The following SLC4A4 variants were observed in gnomAD, a reference collection of about 807,000 sequenced individuals.
SLC4A4 encodes the protein electrogenic sodium bicarbonate cotransporter 1.
Under a neutral mutation model 111.5 loss-of-function variants are expected in SLC4A4, and 27 were observed. The ratio of observed to expected loss-of-function variants is 0.24; its 90% confidence interval spans 0.18 to 0.33. The LOEUF (loss-of-function observed/expected upper bound fraction) is 0.33, where lower values mean the gene tolerates loss of function less well. SLC4A4 is among the 10% of genes least tolerant of loss of function. The pLI, the probability that SLC4A4 is intolerant of heterozygous loss-of-function variation, is 1.00. For synonymous variants in SLC4A4, 443 were observed against 463.4 expected, an observed-to-expected ratio of 0.96 and a Z score of 0.57; for missense variants, 909 against 1,315.5, an observed-to-expected ratio of 0.69 and a Z score of 4.78.
At chr4:71,199,891 T>G (rs1404713787) in intron 1 of SLC4A4, among the ~76,000 whole-genome samples, 1 of 152,136 alleles carries the variant, frequency 6.6e-6, no homozygotes, top group East Asian at 1.9e-4. Flanking sequence ...CCTCAGGTGA[T>G]CCACCTGCCT....
At chr4:71,540,711 T>TA (rs1734960509) in intron 18 of SLC4A4, among the ~76,000 whole-genome samples, 2 of 147,188 alleles carry the variant, frequency 1.4e-5, no homozygotes, top group Admixed American at 6.6e-5. Context: ...TTGTGCCTTG[T>TA]ACCTTGCATG....
intron 6 of SLC4A4, among the ~76,000 whole-genome samples, chr4:71,369,094 A>G (rs1224894845): frequency 6.6e-6 from 1 of 152,018 alleles, no homozygotes; most frequent in African/African-American, 2.4e-5. Flanking sequence ...CGCACCTTGG[A>G]TGATGACCCC....
chr4:71,499,055 G>A (rs1476001051), intron 16 of SLC4A4, among the ~76,000 whole-genome samples: 2 of 146,146 alleles, frequency 1.4e-5, no homozygotes, highest in African/African-American at 2.5e-5. Flanking sequence ...AGATTCCTGG[G>A]TAAAAGTCTT....
intron 12 of SLC4A4, among the ~76,000 whole-genome samples, chr4:71,456,259 A>G (rs1465248116): frequency 2.0e-5 from 3 of 152,196 alleles, no homozygotes; most frequent in Non-Finnish European, 4.4e-5. Context: ...TTTAAGAAAC[A>G]TATTGGCAAT....
chr4:71,355,006 T>G (rs1730160833), intron 5 of SLC4A4, among the ~76,000 whole-genome samples: 2 of 152,220 alleles, frequency 1.3e-5, no homozygotes, highest in Admixed American at 1.3e-4. Context: ...CACTTTCCTT[T>G]GAAGGATTTT....
chr4:71,472,637 T>G (rs1033107573), intron 13 of SLC4A4, 62 bp from the exon 14 acceptor site: 52 of 1,537,192 alleles, frequency 3.4e-5, no homozygotes, highest in Non-Finnish European at 4.7e-5. Context: ...ATTTGGTAGT[T>G]TTATATTATT....
intron 16 of SLC4A4, among the ~76,000 whole-genome samples, chr4:71,520,212 T>G (rs1167683529): frequency 6.6e-6 from 1 of 152,262 alleles, no homozygotes; most frequent in Non-Finnish European, 1.5e-5. Context: ...AATGCTCATG[T>G]TGAGTGACAA....
At chr4:71,150,231 G>A (rs1057207693) in intron 2 of SLC4A4, among the ~76,000 whole-genome samples, 1 of 152,108 alleles carries the variant, frequency 6.6e-6, no homozygotes, top group East Asian at 1.9e-4. Context: ...GTTGCCTAGG[G>A]AAACAGAGTA....
intron 2 of SLC4A4, among the ~76,000 whole-genome samples, chr4:71,174,532 G>A (rs1472615160): frequency 6.6e-6 from 1 of 152,032 alleles, no homozygotes; most frequent in East Asian, 1.9e-4. Context: ...ACAGGGGTGA[G>A]CCACCGCACC....
rs529614251 is a variant in SLC4A4, at chr4:71,181,636, A to C, written c.-1-54940A>C. On this transcript the variant is annotated intron_variant, in intron 2 of 26. Transcript: ENST00000649996. Reference sequence around the variant, plus strand: ...CTTCTCTATTTTTAATGTTCCAAAAAAGAAGGAATGCCATCAATCATTCTA... The same window carrying C: ...CTTCTCTATTTTTAATGTTCCAAAACAGAAGGAATGCCATCAATCATTCTA... Among the ~76,000 whole-genome samples, 3 of 152,328 alleles carry C rather than the reference A, an allele frequency of 2.0e-5. No individual in the cohort carries two copies. In the East Asian group the frequency reaches 5.8e-4, roughly 29 times the overall value.
chr4:71,519,813 TTTG>T (rs898082637), intron 16 of SLC4A4, among the ~76,000 whole-genome samples: 71 of 152,204 alleles, frequency 4.7e-4, no homozygotes, highest in African/African-American at 1.6e-3. Context: ...TTTGTATTTT[TTTG>T]TTGTTGTTTT....
Position 71,278,637 on chromosome 4 carries a change from G to A in SLC4A4, c.253+23238G>A, listed in dbSNP as rs529245150. ...TTTTTCATAATAGTTATCCTAACAG[G>A]TATGATGTGACAGATGTCTTATTGT... On this transcript the variant is annotated intron_variant, in intron 3 of 25. Coordinates refer to ENST00000264485, the MANE Select transcript of SLC4A4 (RefSeq NM_001098484.3). 2.6e-5 allele frequency among the ~76,000 whole-genome samples: 4 copies of A among 152,248 alleles called. No homozygotes were observed. In the East Asian group the frequency reaches 7.7e-4, roughly 29 times the overall value.
chr4:71,317,531 T>C (rs2148862944), intron 3 of SLC4A4, among the ~76,000 whole-genome samples: 1 of 152,248 alleles, frequency 6.6e-6, no homozygotes, highest in African/African-American at 2.4e-5. Context: ...CATTGCAAAG[T>C]ATTTGGTAAT....
intron 2 of SLC4A4, among the ~76,000 whole-genome samples, chr4:71,093,708 T>G (rs1425362255): frequency 1.3e-5 from 2 of 152,178 alleles, no homozygotes; most frequent in African/African-American, 4.8e-5. Flanking sequence ...AGCGTGGAGA[T>G]GCATTTTCCC....
At chr4:71,550,365 C>T (rs141862524) in intron 20 of SLC4A4, among the ~76,000 whole-genome samples, 11 of 151,950 alleles carry the variant, frequency 7.2e-5, no homozygotes, top group South Asian at 4.2e-4. Flanking sequence ...AAGTTAAGTG[C>T]GTTTATCACA....
At chr4:71,459,867 G>C (rs1042331648) in intron 12 of SLC4A4, among the ~76,000 whole-genome samples, 47 of 152,022 alleles carry the variant, frequency 3.1e-4, no homozygotes, top group African/African-American at 1.1e-3. Flanking sequence ...TCGTTCTGTG[G>C]GTTGAAAAAT....
chr4:71,282,840 G>A (rs902554487), intron 3 of SLC4A4, among the ~76,000 whole-genome samples: 4 of 151,954 alleles, frequency 2.6e-5, no homozygotes, highest in African/African-American at 2.4e-5. Flanking sequence ...GCCTCCCAAA[G>A]TGCTGAGATT....
chr4:71,497,917 C>T lies in SLC4A4; in HGVS notation c.2166+225C>T, dbSNP rs977780614. 1.5e-4 allele frequency among the ~76,000 whole-genome samples: 23 copies of T among 151,946 alleles called. 1 individual carries two copies. The highest frequency in any genetic ancestry group is 5.3e-4 in the African/African-American group (22 of 41,364). ...CTTTCTCACATAATTCTGTCATATA[C>T]CTCTCATAATTCTGAATGTGCTGAA... On this transcript the variant is annotated intron_variant, in intron 16 of 25. Coordinates refer to ENST00000264485, the MANE Select transcript of SLC4A4 (RefSeq NM_001098484.3).
At chr4:71,467,224 TTCCTGCCATAA>T (rs1389815914) in intron 13 of SLC4A4, among the ~76,000 whole-genome samples, 2 of 152,054 alleles carry the variant, frequency 1.3e-5, no homozygotes, top group Non-Finnish European at 2.9e-5. Context: ...TGCCTTCTAT[TTCCTGCCATAA>T]TCCTGACTGA....
Sources: gnomAD v4.1 joint callset for allele counts (sites outside exome capture counted in the v4.1 genomes callset) on GRCh38, gnomAD v4.1.1 for gene constraint, MANE v1.5 for transcripts, NCBI Gene and HGNC (gene_info 2026-07-23, HGNC 2026-07-21) for gene names.